The following CYP20A1 variants were observed in gnomAD, a reference collection of about 807,000 sequenced individuals.
CYP20A1 encodes the protein cytochrome P450 20A1.
In CYP20A1, 61 loss-of-function variants were observed where a neutral mutation model predicts 61.4. The observed-to-expected ratio is 0.99, with a 90% CI of 0.81 to 1.23. The LOEUF is 1.23. Ranked by LOEUF, CYP20A1 falls within the 50% of genes most tolerant of loss-of-function variation. The pLI, the probability that CYP20A1 is intolerant of heterozygous loss-of-function variation, is 0.00. For synonymous variants in CYP20A1, 193 were observed against 188.2 expected (o/e 1.03, Z -0.21); for missense variants, 530 against 542.4 (o/e 0.98, Z 0.23).
intron 11 of CYP20A1, among the ~76,000 whole-genome samples, chr2:203,292,606 G>A (rs535526154): frequency 4.9e-4 from 75 of 152,186 alleles, no homozygotes; most frequent in African/African-American, 1.7e-3. Context: ...CCACAGGCGC[G>A]TGCTGCCACG....
At chr2:203,274,825 G>A (rs1432984339) in intron 6 of CYP20A1, among the ~76,000 whole-genome samples, 1 of 151,990 alleles carries the variant, frequency 6.6e-6, no homozygotes, top group East Asian at 1.9e-4. Flanking sequence ...CAATGCGTTT[G>A]GATTAATTCC....
chr2:203,287,657 A>T (rs2068337443), intron 9 of CYP20A1, among the ~76,000 whole-genome samples: 1 of 152,080 alleles, frequency 6.6e-6, no homozygotes, highest in East Asian at 1.9e-4. Flanking sequence ...AGCATGATAG[A>T]GTGTCACTGC....
At chr2:203,250,592 G>A (rs2066624716) in intron 3 of CYP20A1, among the ~76,000 whole-genome samples, 1 of 152,200 alleles carries the variant, frequency 6.6e-6, no homozygotes. Flanking sequence ...GGAATATAAT[G>A]AGGAAAACCA....
At chr2:203,292,519 T>A (rs949334142) in intron 11 of CYP20A1, among the ~76,000 whole-genome samples, 193 bp downstream of exon 11, 5 of 152,188 alleles carry the variant, frequency 3.3e-5, no homozygotes, top group African/African-American at 1.2e-4. Flanking sequence ...AATGTAATAG[T>A]GCAATCACTT....
Position 203,296,905 on chromosome 2 carries a change from T to C in CYP20A1, c.1386T>C (p.Tyr462=), listed in dbSNP as rs932777615. The stretch of plus-strand genomic sequence containing the variant: ...CTTGGATCACTGTCTCAAAGAGATA[T>C]TAAAATTTTATACATTTAAAATCAT... The part of the protein sequence containing the change: ...EEAWITVSKR[Y] The change falls in exon 13 of 13, where the codon TAT becomes TAC. Residue 462 remains tyrosine (Y), a synonymous_variant. Transcript: ENST00000356079. 6.5e-6 allele frequency: 10 copies of C among 1,536,116 alleles called. No individual in the cohort carries two copies. The African/African-American group carries it at 1.3e-4, about 19-fold the overall frequency.
intron 3 of CYP20A1, 95 bp from the exon 4 acceptor site, chr2:203,251,872 C>A (rs1385966143): frequency 4.5e-6 from 4 of 892,312 alleles, no homozygotes; most frequent in East Asian, 3.2e-5. Flanking sequence ...ATGCTTTCAG[C>A]TACAATTCTT....
rs1400699980 is a variant in CYP20A1 at position 203,300,968 on chromosome 2, G to A, written c.*4060G>A. Among the ~76,000 whole-genome samples the A allele has an allele frequency of 3.3e-5, 5 of 149,918 alleles. No homozygotes were observed. The highest frequency in any genetic ancestry group is 5.9e-5 in the Non-Finnish European group (4 of 67,712). ...TCCCAGCACTTTGGGAGGCTGAGGC[G>A]GGCAGATCACCTGAAGTCAGGAGTT... On this transcript the variant is annotated 3_prime_UTR_variant, in exon 13 of 13. Transcript: ENST00000356079.
Position 203,292,286 on chromosome 2 carries a change from G to A in CYP20A1, c.1108G>A (p.Val370Met). 6.2e-7 allele frequency: 1 copy of A among 1,612,116 alleles called. No individual in the cohort carries two copies. The highest frequency in any genetic ancestry group is 8.5e-7 in the Non-Finnish European group (1 of 1,178,940). ...RETLVLYALGVVLQDPNTWPS... is the reference protein window; with the variant it reads ...RETLVLYALGMVLQDPNTWPS... ...GACCCTCGTCCTTTATGCCCTTGGT[G>A]TGGTACTTCAGGATCCTAATACTTG... Residue 370 changes from valine (V) to methionine (M), a missense_variant, in exon 11 of 13, where the codon GTG becomes ATG. Val to Met is a conservative substitution (Grantham distance 21). Coordinates refer to ENST00000356079, the MANE Select transcript of CYP20A1 (RefSeq NM_177538.3).
chr2:203,302,893 G>T lies in CYP20A1; in HGVS notation c.*5985G>T, dbSNP rs1021464433. On this transcript the variant is annotated 3_prime_UTR_variant, in exon 13 of 13. Coordinates refer to ENST00000356079, the MANE Select transcript of CYP20A1 (RefSeq NM_177538.3). The stretch of plus-strand genomic sequence containing the variant: ...TTTTTAGTAGAGATGGGGTTTTACC[G>T]TGTTGGTCAGGCTGGTCCTGAACTC... Among the ~76,000 whole-genome samples the T allele has an allele frequency of 1.3e-5, 2 of 151,936 alleles. No homozygotes were observed. The highest frequency in any genetic ancestry group is 4.8e-5 in the African/African-American group (2 of 41,378).
intron 6 of CYP20A1, 56 bp from the exon 7 acceptor site, chr2:203,278,517 A>G (rs748426314): frequency 7.0e-5 from 50 of 712,044 alleles, no homozygotes; most frequent in Non-Finnish European, 1.1e-4. Flanking sequence ...TATTTTTTTA[A>G]AGTTCAGTCT....
chr2:203,280,030 C>G, intron 7 of CYP20A1, 29 bp from the exon 8 acceptor site: 1 of 1,562,710 alleles, frequency 6.4e-7, no homozygotes, highest in East Asian at 2.3e-5. Context: ...ACATTTTTCA[C>G]ACTTTCTAAA....
At position 203,299,192 on chromosome 2, in the gene CYP20A1, TAGGAAATATGCCAAGTACAGATAGTG is replaced by T. The variant is rs2068928268; in HGVS notation, c.*2291_*2316del. ...CTTTTTTTCTTTAAGACAGCCACTG[TAGGAAATATGCCAAGTACAGATAGTG>T]AGGAAAGAAAGGAAGAAAAATGATA... On this transcript the variant is annotated 3_prime_UTR_variant, in exon 13 of 13. Transcript: ENST00000356079. Among the ~76,000 whole-genome samples, 1 of 152,264 alleles carries T rather than the reference TAGGAAATATGCCAAGTACAGATAGTG, an allele frequency of 6.6e-6. No individual in the cohort carries two copies. Among genetic ancestry groups the T allele is most frequent in the South Asian group, 2.1e-4 (1 of 4,824 alleles).
At chr2:203,295,143 G>A (rs1329891141) in intron 11 of CYP20A1, among the ~76,000 whole-genome samples, 2 of 150,010 alleles carry the variant, frequency 1.3e-5, no homozygotes, top group Non-Finnish European at 1.5e-5. Flanking sequence ...ATTTTTAGTA[G>A]AGATGGGGTT....
chr2:203,240,488 G>A (rs1475757691), intron 1 of CYP20A1, among the ~76,000 whole-genome samples: 1 of 152,224 alleles, frequency 6.6e-6, no homozygotes, highest in African/African-American at 2.4e-5. Context: ...TCCTAGAGAA[G>A]GGGAACAGAC....
chr2:203,251,803 A>ATATATT (rs1553514001), intron 3 of CYP20A1, among the ~76,000 whole-genome samples, 164 bp from the exon 4 acceptor site: 1 of 84,752 alleles, frequency 1.2e-5, no homozygotes, highest in Admixed American at 1.2e-4. Context: ...GTATATATAT[A>ATATATT]TATATATATA....
intron 5 of CYP20A1, among the ~76,000 whole-genome samples, chr2:203,272,031 T>TG (rs1292938705): frequency 1.3e-5 from 2 of 152,158 alleles, no homozygotes; most frequent in African/African-American, 2.4e-5. Context: ...TGTCTCGGCG[T>TG]GGGGGAAGAA....
At chr2:203,285,853 A>G (rs2068244772) in intron 9 of CYP20A1, 121 bp downstream of exon 9, 2 of 870,516 alleles carry the variant, frequency 2.3e-6, no homozygotes, top group African/African-American at 1.8e-5. Context: ...AAGTATTTAT[A>G]TGTAGATTTT....
chr2:203,280,230 C>A, intron 8 of CYP20A1, 117 bp downstream of exon 8: 1 of 711,090 alleles, frequency 1.4e-6, no homozygotes, highest in Non-Finnish European at 2.1e-6. Flanking sequence ...TGCTTGAGGC[C>A]AGGAGTTGGA....
rs1349751402 is a variant in CYP20A1, at chr2:203,299,557, A to AT, written c.*2649_*2650insT. Among the ~76,000 whole-genome samples, 2 of 152,174 alleles carry AT rather than the reference A, an allele frequency of 1.3e-5. No homozygotes were observed. The highest frequency in any genetic ancestry group is 4.8e-5 in the African/African-American group (2 of 41,438). On this transcript the variant is annotated 3_prime_UTR_variant, in exon 13 of 13. Coordinates refer to ENST00000356079, the MANE Select transcript of CYP20A1 (RefSeq NM_177538.3). ...ATGCAGTCTGTATTTTTGAAAAAAA[A>AT]AATTTTTTTTGGAATAACTTAAATT...
Sources: allele counts gnomAD v4.1 joint callset (sites outside exome capture counted in the v4.1 genomes callset), GRCh38; gene constraint gnomAD v4.1.1; transcripts MANE v1.5; gene names NCBI Gene and HGNC (gene_info 2026-07-23, HGNC 2026-07-21).